BNC1: variants seen among roughly 807,000 people sequenced by gnomAD.
The protein encoded by BNC1 is basonuclin zinc finger protein 1.
In BNC1, 8 loss-of-function variants were observed where a neutral mutation model predicts 66.5. The ratio of observed to expected loss-of-function variants is 0.12; its 90% CI spans 0.07 to 0.22. The LOEUF is 0.22. Ranked by LOEUF, BNC1 falls within the 10% of genes least tolerant of loss-of-function variation. The probability of loss-of-function intolerance (pLI) is 1.00; values close to 1 mark genes in which losing one functional copy is unlikely to be tolerated. For missense variants in BNC1, 1,069 were observed against 1,241.3 expected, an observed-to-expected ratio of 0.86 and a Z score of 2.09; for synonymous variants, 454 against 452.6, an observed-to-expected ratio of 1.00 and a Z score of -0.04.
At position 83,268,134 on chromosome 15, in the gene BNC1, G is replaced by A. The variant is rs753116483; in HGVS notation, c.198C>T (p.His66=). The change falls in exon 2 of 5, where the codon CAC becomes CAT. Residue 66 remains histidine (H), a splice_region_variant and synonymous_variant. Transcript: ENST00000345382. ...CDQCKHGWVA[H]ALSKLRIPPM... The stretch of plus-strand genomic sequence containing the variant: ...AGAGAGGGTGAAAAATAAAGTTACC[G>A]TGGGCCACCCATCCATGCTTGCATT... 43 of 1,613,590 alleles carry A rather than the reference G, an allele frequency of 2.7e-5. No homozygotes were observed. Among genetic ancestry groups the A allele is most frequent in the South Asian group, 1.5e-4 (14 of 91,056 alleles).
In BNC1 at chr15:83,264,408, A is replaced by G; in HGVS notation, c.843T>C (p.His281=). ...DQSQDPKQEV[H]GPFPDSSFLT... is the part of the protein sequence containing the mutation. ...AGAAGCTGCTGTCAGGGAAGGGCCC[A>G]TGGACTTCCTGTTTGGGGTCCTGAC... The change falls in exon 4 of 5, where the codon CAT becomes CAC. Residue 281 remains histidine (H), a synonymous_variant. Coordinates refer to ENST00000345382, the MANE Select transcript of BNC1 (RefSeq NM_001717.4). 1 of 1,614,162 alleles carries G rather than the reference A, an allele frequency of 6.2e-7. No individual in the cohort carries two copies. The highest frequency in any genetic ancestry group is 8.5e-7 in the Non-Finnish European group (1 of 1,180,024).
rs551006015 is a variant in BNC1, at chr15:83,259,820, C to T, written c.2301-1694G>A. Among the ~76,000 whole-genome samples, 3 of 152,268 alleles carry T rather than the reference C, an allele frequency of 2.0e-5. No individual in the cohort carries two copies. The South Asian group carries it at 6.2e-4, about 32-fold the overall frequency. The stretch of plus-strand genomic sequence containing the variant: ...CTCTCAAGCCTTAGAGGGTTAGATA[C>T]ATTTCCTGAGGTGCCATGTCCCCTA... On this transcript the variant is annotated intron_variant, in intron 4 of 4. Coordinates refer to ENST00000345382, the MANE Select transcript of BNC1 (RefSeq NM_001717.4).
chr15:83,284,561 G>T lies in BNC1; in HGVS notation c.68C>A (p.Pro23His). The change falls in exon 1 of 5, where the codon CCC (proline) becomes CAC (histidine). Residue 23 changes from proline (P) to histidine (H), a missense_variant. Transcript: ENST00000345382. ...CATCCTGCGACCGCTGCGGTGCCGG[G>T]GCTGCCGGCGCGTCTCCCGGGCCCG... The part of the protein sequence containing the change: ...AARARETRRQ[P>H]RHRSGRRMAE... The T allele has an allele frequency of 9.1e-7, 1 of 1,100,958 alleles. No individual in the cohort carries two copies. Among genetic ancestry groups the T allele is most frequent in the South Asian group, 3.4e-5 (1 of 29,268 alleles). 68.2% of individuals were successfully genotyped at this position (1,100,958 alleles called of 1,614,324 possible).
In BNC1 at chr15:83,284,516, G is replaced by A. The variant is rs968589284; in HGVS notation, c.99+14C>T. On this transcript the variant is annotated intron_variant, in intron 1 of 4. Coordinates refer to ENST00000345382, the MANE Select transcript of BNC1 (RefSeq NM_001717.4). The stretch of plus-strand genomic sequence containing the variant: ...ACAGAGAATCCCCGCGCCCGCGGAG[G>A]GCGCCGCGCTTACCTCGGCCATCCT... The A allele has an allele frequency of 4.3e-5, 51 of 1,197,166 alleles. No individual in the cohort carries two copies. Among genetic ancestry groups the A allele is most frequent in the East Asian group, 2.7e-4 (5 of 18,822 alleles). The allele number at this position is 1,197,166 out of a possible 1,614,324, so 74.2% of individuals were successfully genotyped here.
Position 83,270,706 on chromosome 15 carries a change from C to T in BNC1, c.100-2474G>A, listed in dbSNP as rs536975351. ...TTTACCTTTTTAGTATTGAGTTATA[C>T]AAGACCCCCATATATTTTAGATATA... is the stretch of plus-strand genomic sequence containing the variant. On this transcript the variant is annotated intron_variant, in intron 1 of 4. Transcript: ENST00000345382. Among the ~76,000 whole-genome samples the T allele has an allele frequency of 2.6e-5, 4 of 152,270 alleles. No homozygotes were observed. The East Asian group carries it at 7.7e-4, about 29-fold the overall frequency.
In BNC1 at chr15:83,264,368, T is replaced by G; in HGVS notation, c.883A>C (p.Thr295Pro). ...TGATCTTTTTCAACCTGAAATGGTG[T>G]GGAACTGGAAGTTAAGAAGCTGCTG... ...PDSSFLTSSSTPFQVEKDQCL... is the reference protein window; with the variant it reads ...PDSSFLTSSSPPFQVEKDQCL... Residue 295 changes from threonine (T) to proline (P), a missense_variant, in exon 4 of 5, where the codon ACA becomes CCA. Physicochemically the swap from Thr to Pro is conservative, Grantham distance 38. Around this residue, in one of 7 missense-constraint regions of BNC1, gnomAD observed 181 missense variants for 181.5 expected, o/e 1.00. Transcript: ENST00000345382. The G allele has an allele frequency of 6.2e-7, 1 of 1,614,138 alleles. No homozygotes were observed. Among genetic ancestry groups the G allele is most frequent in the South Asian group, 1.1e-5 (1 of 91,072 alleles).
At chr15:83,266,274 G>A (rs561886885) in intron 3 of BNC1, among the ~76,000 whole-genome samples, 92 of 147,712 alleles carry the variant, frequency 6.2e-4, no homozygotes, top group African/African-American at 2.3e-3. Context: ...AGGGAGGGAG[G>A]GAGACATACA....
rs949485217 is a variant in BNC1, at chr15:83,256,696, C to T, written c.*746G>A. The T allele has an allele frequency of 2.6e-5, 4 of 152,230 alleles. No individual in the cohort carries two copies. Among genetic ancestry groups the T allele is most frequent in the African/African-American group, 9.6e-5 (4 of 41,456 alleles). The allele number at this position is 152,230 out of a possible 1,614,324, so 9.4% of individuals were successfully genotyped here. A position where few individuals can be genotyped will look rare whatever the true frequency, so the allele number is the denominator to read the frequency against. On this transcript the variant is annotated 3_prime_UTR_variant, in exon 5 of 5. Transcript: ENST00000345382. ...CAGAGGTGACACAGTGCAATATCTG[C>T]ACTCACACCAAACACCACATAAGCA... is the stretch of plus-strand genomic sequence containing the variant.
rs1159560841 is a variant in BNC1, at chr15:83,256,523, C to T, written c.*919G>A. ...ACCATCAGAACCACATTATCTACGG[C>T]AGAATATGTACAAATGTTCCTGCCA... On this transcript the variant is annotated 3_prime_UTR_variant, in exon 5 of 5. Transcript: ENST00000345382. 2.0e-5 allele frequency: 3 copies of T among 152,458 alleles called. No individual in the cohort carries two copies. Among genetic ancestry groups the T allele is most frequent in the African/African-American group, 7.2e-5 (3 of 41,440 alleles). The allele number at this position is 152,458 out of a possible 1,614,324, so 9.4% of individuals were successfully genotyped here.
At chr15:83,282,281 A>C (rs1366613709) in intron 1 of BNC1, among the ~76,000 whole-genome samples, 2 of 152,240 alleles carry the variant, frequency 1.3e-5, no homozygotes, top group Non-Finnish European at 2.9e-5. Context: ...GTTGACTTGA[A>C]ATAGTAATAG....
rs1325121711 is a variant in BNC1 at position 83,264,429 on chromosome 15, C to T, written c.822G>A (p.Gln274=). Residue 274 remains glutamine, a synonymous_variant, in exon 4 of 5, where the codon CAG becomes CAA. Coordinates refer to ENST00000345382, the MANE Select transcript of BNC1 (RefSeq NM_001717.4). ...YMLEQGHDQS[Q]DPKQEVHGPF... Reference sequence around the variant, plus strand: ...GCCCATGGACTTCCTGTTTGGGGTCCTGACTTTGGTCATGACCCTGCTCCA... The same window carrying T: ...GCCCATGGACTTCCTGTTTGGGGTCTTGACTTTGGTCATGACCCTGCTCCA... The T allele has an allele frequency of 1.2e-6, 2 of 1,614,168 alleles. No homozygotes were observed. Among genetic ancestry groups the T allele is most frequent in the Admixed American group, 3.3e-5 (2 of 60,018 alleles).
chr15:83,266,020 C>A (rs1291417219), intron 3 of BNC1, among the ~76,000 whole-genome samples: 1 of 152,122 alleles, frequency 6.6e-6, no homozygotes, highest in Non-Finnish European at 1.5e-5. Context: ...AAATACAATG[C>A]TGTAGCTGTT....
intron 1 of BNC1, among the ~76,000 whole-genome samples, chr15:83,268,998 G>C (rs184329364): frequency 2.8e-4 from 43 of 152,310 alleles, no homozygotes; most frequent in African/African-American, 1.0e-3. Flanking sequence ...GGCCAAGGTG[G>C]GTGGATCACG....
intron 4 of BNC1, among the ~76,000 whole-genome samples, chr15:83,260,431 T>C (rs2038128297): frequency 6.6e-6 from 1 of 152,208 alleles, no homozygotes; most frequent in African/African-American, 2.4e-5. Flanking sequence ...AGAAAAGCTC[T>C]TGAGTAACCT....
intron 1 of BNC1, among the ~76,000 whole-genome samples, chr15:83,281,032 C>G (rs1231866768): frequency 6.6e-6 from 1 of 152,136 alleles, no homozygotes; most frequent in Non-Finnish European, 1.5e-5. Flanking sequence ...GCAAGAGTGA[C>G]AGTCTGTTTG....
At chr15:83,258,805 G>A (rs1567190242) in intron 4 of BNC1, among the ~76,000 whole-genome samples, 1 of 152,210 alleles carries the variant, frequency 6.6e-6, no homozygotes, top group Non-Finnish European at 1.5e-5. Flanking sequence ...ATCATATGTT[G>A]AAAGGATAAT....
intron 3 of BNC1, 49 bp from the exon 4 acceptor site, chr15:83,264,864 C>A: frequency 1.3e-6 from 2 of 1,550,554 alleles, no homozygotes; most frequent in Non-Finnish European, 8.7e-7. Flanking sequence ...CAACTCCTTA[C>A]CCTTTCCTCT....
At chr15:83,275,706 T>A (rs936535786) in intron 1 of BNC1, among the ~76,000 whole-genome samples, 1 of 151,976 alleles carries the variant, frequency 6.6e-6, no homozygotes, top group African/African-American at 2.4e-5. Flanking sequence ...GCATAGCAAG[T>A]GCAAAGGCTC....
Position 83,284,572 on chromosome 15 carries a change from C to T in BNC1, c.57G>A (p.Thr19=), listed in dbSNP as rs1205436499. 25 of 1,084,296 alleles carry T rather than the reference C, an allele frequency of 2.3e-5. No homozygotes were observed. The highest frequency in any genetic ancestry group is 2.8e-5 in the Non-Finnish European group (25 of 895,036). The allele number at this position is 1,084,296 out of a possible 1,614,324, so 67.2% of individuals were successfully genotyped here. Residue 19 remains threonine (T), a synonymous_variant, in exon 1 of 5, where the codon ACG becomes ACA. Coordinates refer to ENST00000345382, the MANE Select transcript of BNC1 (RefSeq NM_001717.4). ...CGCTGCGGTGCCGGGGCTGCCGGCG[C>T]GTCTCCCGGGCCCGGGCCGCCCCGC... The part of the protein sequence containing the change: ...GGRGAARARE[T]RRQPRHRSGR...
Sources: gnomAD v4.1 joint callset for allele counts (sites outside exome capture counted in the v4.1 genomes callset) on GRCh38, gnomAD v4.1.1 for gene constraint, gnomAD v4.1.1 regional missense constraint, MANE v1.5 for transcripts, NCBI Gene and HGNC (gene_info 2026-07-23, HGNC 2026-07-21) for gene names.